Variants in JAK1 observed in about 807,000 individuals in gnomAD.
JAK1 encodes the protein Janus kinase 1.
Under a neutral mutation model 136.6 loss-of-function variants are expected in JAK1, and 16 were observed. The observed-to-expected ratio is 0.12, with a 90% CI of 0.08 to 0.18. JAK1 has a LOEUF of 0.18. Among genes scored for constraint, JAK1 ranks in the 10% least tolerant of loss-of-function variants. JAK1 has a pLI of 1.00. For missense variants in JAK1, 859 were observed against 1,450.1 expected, an observed-to-expected ratio of 0.59 and a Z score of 6.62; for synonymous variants, 492 against 519.5, an observed-to-expected ratio of 0.95 and a Z score of 0.72.
At chr1:65,056,715 A>T (rs1220294601) in intron 1 of JAK1, among the ~76,000 whole-genome samples, 1 of 152,058 alleles carries the variant, frequency 6.6e-6, no homozygotes, top group Non-Finnish European at 1.5e-5. Context: ...ACTTGAGGAC[A>T]GGAGTTTGAA....
Position 65,010,298 on chromosome 1 carries a change from T to A in JAK1, c.-78+34182A>T, listed in dbSNP as rs367621139. Among the ~76,000 whole-genome samples, 18 of 152,292 alleles carry A rather than the reference T, an allele frequency of 1.2e-4. 1 individual carries two copies. The highest frequency in any genetic ancestry group is 3.3e-4 in the Admixed American group (5 of 15,286). ...TTCTCTCTTATGCTTGCGCTCTCTC[T>A]CGCACGCTCATTCTCTCTCTCTCTC... On this transcript the variant is annotated intron_variant, in intron 2 of 25. Transcript: ENST00000671954.
At chr1:64,937,511 A>G (rs1466089782) in intron 1 of JAK1, among the ~76,000 whole-genome samples, 1 of 152,214 alleles carries the variant, frequency 6.6e-6, no homozygotes, top group African/African-American at 2.4e-5. Context: ...TTCTAGAAAG[A>G]AAGGAGCGTA....
At chr1:64,928,802 A>AC (rs1254131728) in intron 1 of JAK1, among the ~76,000 whole-genome samples, 1 of 150,680 alleles carries the variant, frequency 6.6e-6, no homozygotes, top group African/African-American at 2.4e-5. Flanking sequence ...AAAAACAAAA[A>AC]AAAAAAACTC....
At chr1:65,034,737 T>G (rs1227309278) in intron 2 of JAK1, among the ~76,000 whole-genome samples, 1 of 152,168 alleles carries the variant, frequency 6.6e-6, no homozygotes, top group Non-Finnish European at 1.5e-5. Context: ...CATGGTATCT[T>G]TTTCTTCTCT....
chr1:64,895,139 A>G (rs1644995683), intron 1 of JAK1, among the ~76,000 whole-genome samples: 2 of 152,196 alleles, frequency 1.3e-5, no homozygotes, highest in Admixed American at 1.3e-4. Flanking sequence ...ATTGTCTGAT[A>G]TCCTAGGAAC....
chr1:65,001,230 CCTTAAT>C (rs1318657309), intron 2 of JAK1, among the ~76,000 whole-genome samples: 3 of 152,184 alleles, frequency 2.0e-5, no homozygotes, highest in African/African-American at 7.2e-5. Context: ...AAGCCTGTTT[CCTTAAT>C]CTTCATAATT....
chr1:64,890,597 G>A (rs915996524), intron 1 of JAK1, among the ~76,000 whole-genome samples: 1 of 152,138 alleles, frequency 6.6e-6, no homozygotes, highest in Non-Finnish European at 1.5e-5. Context: ...TGGGCAATAT[G>A]GCAAGATGTT....
chr1:64,871,441 C>A (rs1218806570), intron 5 of JAK1, among the ~76,000 whole-genome samples: 1 of 152,172 alleles, frequency 6.6e-6, no homozygotes, highest in Non-Finnish European at 1.5e-5. Flanking sequence ...GAACGGGTGA[C>A]TAAGTTAAAT....
chr1:64,988,841 A>C (rs116688549), intron 2 of JAK1, among the ~76,000 whole-genome samples: 442 of 151,914 alleles, frequency 2.9e-3, no homozygotes, highest in African/African-American at 0.01. Context: ...GTGAACTATG[A>C]TCTTGACACT....
In JAK1 at chr1:64,834,150, C is replaced by T. The variant is rs551488047; in HGVS notation, c.*412G>A. 1 of 247,644 alleles carries T rather than the reference C, an allele frequency of 4.0e-6. No homozygotes were observed. The highest frequency in any genetic ancestry group is 4.9e-5 in the Admixed American group (1 of 20,374). 15.3% of individuals were successfully genotyped at this position (247,644 alleles called of 1,614,324 possible). On this transcript the variant is annotated 3_prime_UTR_variant, in exon 25 of 25. Transcript: ENST00000342505. The stretch of plus-strand genomic sequence containing the variant: ...TCTTTATCTATGATTAATGTGCCAG[C>T]AAAACATTTCAGATCAGCTGGCAGC...
intron 8 of JAK1, among the ~76,000 whole-genome samples, chr1:64,860,677 C>T (rs913455555): frequency 3.3e-5 from 5 of 152,058 alleles, no homozygotes; most frequent in East Asian, 1.9e-4. Flanking sequence ...TGGTCTTGAA[C>T]TCCTGACCTC....
At chr1:64,999,574 CA>C (rs2100744036) in intron 2 of JAK1, among the ~76,000 whole-genome samples, 1 of 151,990 alleles carries the variant, frequency 6.6e-6, no homozygotes, top group Non-Finnish European at 1.5e-5. Context: ...TCCATCTCTA[CA>C]ATAGAAAAAA....
chr1:65,004,663 C>T (rs918754909), intron 2 of JAK1, among the ~76,000 whole-genome samples: 10 of 152,188 alleles, frequency 6.6e-5, no homozygotes, highest in African/African-American at 1.7e-4. Flanking sequence ...GGAATCAAGA[C>T]TATAAGTAGG....
intron 12 of JAK1, among the ~76,000 whole-genome samples, chr1:64,849,371 T>A (rs1336985242): frequency 6.6e-6 from 1 of 152,164 alleles, no homozygotes; most frequent in African/African-American, 2.4e-5. Flanking sequence ...TTCATTTGTA[T>A]TTTTAGTAGA....
At chr1:64,909,438 G>A (rs1294888379) in intron 1 of JAK1, among the ~76,000 whole-genome samples, 1 of 151,818 alleles carries the variant, frequency 6.6e-6, no homozygotes, top group African/African-American at 2.4e-5. Context: ...GACAAGACAA[G>A]GAAAAAAGGA....
intron 3 of JAK1, among the ~76,000 whole-genome samples, chr1:64,880,060 T>TG (rs1644745812): frequency 1.3e-5 from 2 of 152,254 alleles, no homozygotes; most frequent in South Asian, 2.1e-4. Context: ...TATGAGGTAA[T>TG]AGGCACTTGT....
intron 1 of JAK1, among the ~76,000 whole-genome samples, chr1:64,898,580 T>C (rs1645059926): frequency 6.6e-6 from 1 of 152,236 alleles, no homozygotes; most frequent in South Asian, 2.1e-4. Context: ...TTCTCAGGCA[T>C]GACTGCAGAT....
intron 1 of JAK1, among the ~76,000 whole-genome samples, chr1:64,922,607 C>T (rs1400177681): frequency 6.6e-6 from 1 of 152,058 alleles, no homozygotes; most frequent in Non-Finnish European, 1.5e-5. Flanking sequence ...CTTTAAGGTG[C>T]TAAATTACTA....
At chr1:65,042,407 A>AACAC (rs72477165) in intron 2 of JAK1, among the ~76,000 whole-genome samples, 1,651 of 147,992 alleles carry the variant, frequency 0.011, 18 homozygotes, top group African/African-American at 0.034. Context: ...ACTCTTATTT[A>AACAC]ACACACACAC....
Sources: gnomAD v4.1 joint callset for allele counts (sites outside exome capture counted in the v4.1 genomes callset) on GRCh38, gnomAD v4.1.1 for gene constraint, MANE v1.5 for transcripts, NCBI Gene and HGNC (gene_info 2026-07-23, HGNC 2026-07-21) for gene names.